Variants in IGSF3 observed in about 807,000 individuals in gnomAD.
The protein encoded by IGSF3 is glu-Trp-Ile EWI motif-containing protein 3.
IGSF3 carries 23 observed loss-of-function variants against 114.4 expected under a neutral mutation model. That is an observed-to-expected ratio of 0.20 (90% CI 0.14 to 0.28). IGSF3 has a LOEUF of 0.28. Ranked by LOEUF, IGSF3 falls within the 10% of genes least tolerant of loss-of-function variation. IGSF3 has a pLI of 1.00. For synonymous variants in IGSF3, 571 were observed against 645.2 expected, an observed-to-expected ratio of 0.88 and a Z score of 1.74; for missense variants, 1,172 against 1,591.5, an observed-to-expected ratio of 0.74 and a Z score of 4.48.
In IGSF3 at chr1:116,655,854, T is replaced by C. The variant is rs1236484790; in HGVS notation, c.43+10430A>G. Among the ~76,000 whole-genome samples the C allele has an allele frequency of 2.6e-5, 4 of 152,240 alleles. No individual in the cohort carries two copies. The East Asian group carries it at 7.7e-4, about 29-fold the overall frequency. ...ACGTGCTTAATTTGATGAATTTATG[T>C]ATTTTTTGAAGAAAATATGCAGAAT... On this transcript the variant is annotated intron_variant, in intron 2 of 10. Coordinates refer to ENST00000369486, the MANE Select transcript of IGSF3 (RefSeq NM_001007237.3). The surrounding 1 kb of genome is among the most constrained non-coding windows in gnomAD (Gnocchi z 4.3).
Position 116,603,601 on chromosome 1 carries a change from T to TG in IGSF3, c.1624+22dup, listed in dbSNP as rs1388960919. 1 of 1,604,968 alleles carries TG rather than the reference T, an allele frequency of 6.2e-7. No homozygotes were observed. Among genetic ancestry groups the TG allele is most frequent in the African/African-American group, 1.3e-5 (1 of 74,854 alleles). ...GAAGCTGTCTCCATGCCAGACCCAC[T>TG]GCCAGTCCCACCGCTCACTCACCAA... On this transcript the variant is annotated intron_variant, in intron 6 of 10. Coordinates refer to ENST00000369486, the MANE Select transcript of IGSF3 (RefSeq NM_001007237.3). The surrounding 1 kb of genome is among the most constrained non-coding windows in gnomAD (Gnocchi z 7.1).
chr1:116,580,640 T>A (rs1164761504), intron 9 of IGSF3, among the ~76,000 whole-genome samples: 1 of 152,240 alleles, frequency 6.6e-6, no homozygotes, highest in Non-Finnish European at 1.5e-5. Flanking sequence ...TACCAGAACT[T>A]AGCCATGCTG....
Position 116,633,761 on chromosome 1 carries a change from C to T in IGSF3, c.44-17304G>A, listed in dbSNP as rs1182472281. On this transcript the variant is annotated intron_variant, in intron 2 of 10. Transcript: ENST00000369486. The surrounding 1 kb of genome is among the most constrained non-coding windows in gnomAD (Gnocchi z 4.3). Reference sequence around the variant, plus strand: ...TCATGATCTTAGGGGTGAAAGAACACTGAGAAACCATAGAAAGCAAAAATG... The same window carrying T: ...TCATGATCTTAGGGGTGAAAGAACATTGAGAAACCATAGAAAGCAAAAATG... Among the ~76,000 whole-genome samples, 1 of 152,160 alleles carries T rather than the reference C, an allele frequency of 6.6e-6. No homozygotes were observed. Among genetic ancestry groups the T allele is most frequent in the Non-Finnish European group, 1.5e-5 (1 of 68,038 alleles).
In IGSF3 at chr1:116,655,548, GA is replaced by G. The variant is rs1054382440; in HGVS notation, c.43+10735del. On this transcript the variant is annotated intron_variant, in intron 2 of 10. Coordinates refer to ENST00000369486, the MANE Select transcript of IGSF3 (RefSeq NM_001007237.3). The surrounding 1 kb of genome is among the most constrained non-coding windows in gnomAD (Gnocchi z 4.3). The stretch of plus-strand genomic sequence containing the variant: ...CAATAACTGTTGCTGCAGGGGTTGA[GA>G]AAAAAAAGTTCTCTTCCTTTGGGTT... 2.0e-5 allele frequency among the ~76,000 whole-genome samples: 3 copies of G among 151,958 alleles called. No homozygotes were observed. The highest frequency in any genetic ancestry group is 6.6e-5 in the Admixed American group (1 of 15,262).
At position 116,642,112 on chromosome 1, in the gene IGSF3, T is replaced by C. The variant is rs1648132634; in HGVS notation, c.43+24172A>G. Among the ~76,000 whole-genome samples, 1 of 152,146 alleles carries C rather than the reference T, an allele frequency of 6.6e-6. No individual in the cohort carries two copies. Among genetic ancestry groups the C allele is most frequent in the Non-Finnish European group, 1.5e-5 (1 of 68,022 alleles). On this transcript the variant is annotated intron_variant, in intron 2 of 10. Transcript: ENST00000369486. The surrounding 1 kb of genome is among the most constrained non-coding windows in gnomAD (Gnocchi z 5.4). ...AGTACTACTGATATTATTATCACCA[T>C]TAAAAATCACTGAAGTTTTTGTCAC...
chr1:116,609,150 A>T (rs1402533054), intron 4 of IGSF3, among the ~76,000 whole-genome samples: 2 of 152,004 alleles, frequency 1.3e-5, no homozygotes, highest in African/African-American at 4.8e-5. Context: ...GTACTTTAGT[A>T]GGAAAAGTAC....
At chr1:116,653,423 T>C (rs1267083177) in intron 2 of IGSF3, among the ~76,000 whole-genome samples, 1 of 152,046 alleles carries the variant, frequency 6.6e-6, no homozygotes, top group African/African-American at 2.4e-5. Flanking sequence ...GTTACTTACT[T>C]CCCCCCAAAT....
At position 116,603,318 on chromosome 1, in the gene IGSF3, G is replaced by A. The variant is rs1179485828; in HGVS notation, c.1624+306C>T. On this transcript the variant is annotated intron_variant, in intron 6 of 10. Coordinates refer to ENST00000369486, the MANE Select transcript of IGSF3 (RefSeq NM_001007237.3). The surrounding 1 kb of genome is among the most constrained non-coding windows in gnomAD (Gnocchi z 7.1). The stretch of plus-strand genomic sequence containing the variant: ...TATGGCTGGGTGGCTTCACTAACCT[G>A]GATAGAGTTCTGATAACATCACTCT... Among the ~76,000 whole-genome samples the A allele has an allele frequency of 6.6e-6, 1 of 152,104 alleles. No individual in the cohort carries two copies. Among genetic ancestry groups the A allele is most frequent in the Non-Finnish European group, 1.5e-5 (1 of 67,996 alleles).
rs918215923 is a variant in IGSF3, at chr1:116,615,221, C to G, written c.421+859G>C. ...CCCGGGAGGTGGAGGTTGCAGTGAGCCAAGATCGCACCATTGCACTCCAGC... is the reference window on the plus strand; with the variant it reads ...CCCGGGAGGTGGAGGTTGCAGTGAGGCAAGATCGCACCATTGCACTCCAGC... On this transcript the variant is annotated intron_variant, in intron 3 of 10. Coordinates refer to ENST00000369486, the MANE Select transcript of IGSF3 (RefSeq NM_001007237.3). This position sits in a 1 kb window ranked among gnomAD's most constrained non-coding sequence, Gnocchi z 4.3. 1.3e-5 allele frequency among the ~76,000 whole-genome samples: 2 copies of G among 151,720 alleles called. No homozygotes were observed. The highest frequency in any genetic ancestry group is 4.8e-5 in the African/African-American group (2 of 41,272).
rs1259004033 is a variant in IGSF3, at chr1:116,592,482, T to C, written c.2030-3378A>G. Among the ~76,000 whole-genome samples, 2 of 152,142 alleles carry C rather than the reference T, an allele frequency of 1.3e-5. No individual in the cohort carries two copies. The highest frequency in any genetic ancestry group is 2.9e-5 in the Non-Finnish European group (2 of 68,016). The stretch of plus-strand genomic sequence containing the variant: ...AACTGGAGAGTTTCCTTCCCAGGCT[T>C]GTGATTAAAACTTGGAAGATCTGTG... On this transcript the variant is annotated intron_variant, in intron 7 of 10. Coordinates refer to ENST00000369486, the MANE Select transcript of IGSF3 (RefSeq NM_001007237.3). The surrounding 1 kb of genome is among the most constrained non-coding windows in gnomAD (Gnocchi z 4.5).
In IGSF3 at chr1:116,589,461, T is replaced by C. The variant is rs1373438392; in HGVS notation, c.2030-357A>G. 6.6e-6 allele frequency among the ~76,000 whole-genome samples: 1 copy of C among 151,956 alleles called. No individual in the cohort carries two copies. Among genetic ancestry groups the C allele is most frequent in the East Asian group, 1.9e-4 (1 of 5,166 alleles). ...CTACCTACGGGCCAGAGAGAAACAA[T>C]TCCTTTTCACAGCACAAAGTCCCTT... is the stretch of plus-strand genomic sequence containing the variant. On this transcript the variant is annotated intron_variant, in intron 7 of 10. Coordinates refer to ENST00000369486, the MANE Select transcript of IGSF3 (RefSeq NM_001007237.3). This position sits in a 1 kb window ranked among gnomAD's most constrained non-coding sequence, Gnocchi z 5.7.
chr1:116,666,547 G>C lies in IGSF3; in HGVS notation c.-221C>G, dbSNP rs926376964. 1 of 605,244 alleles carries C rather than the reference G, an allele frequency of 1.7e-6. No individual in the cohort carries two copies. Among genetic ancestry groups the C allele is most frequent in the African/African-American group, 1.9e-5 (1 of 53,920 alleles). The allele number at this position is 605,244 out of a possible 1,614,324, so 37.5% of individuals were successfully genotyped here. A position where few individuals can be genotyped will look rare whatever the true frequency, so the allele number is the denominator to read the frequency against. ...GAAAACTCCCCTATGCTACAGGAAG[G>C]GTCCACAACAATTCGGAAGTCGCTC... On this transcript the variant is annotated 5_prime_UTR_variant, in exon 2 of 11. Transcript: ENST00000369486.
rs564181460 is a variant in IGSF3, at chr1:116,595,069, G to A, written c.2029+4872C>T. On this transcript the variant is annotated intron_variant, in intron 7 of 10. Transcript: ENST00000369486. This position sits in a 1 kb window ranked among gnomAD's most constrained non-coding sequence, Gnocchi z 4.2. The stretch of plus-strand genomic sequence containing the variant: ...CACCAGCATGGCAACCTGGCACTTA[G>A]TAGGTGCTCAATGCATGCAGAGAGA... Among the ~76,000 whole-genome samples, 4 of 152,274 alleles carry A rather than the reference G, an allele frequency of 2.6e-5. No individual in the cohort carries two copies. The highest frequency in any genetic ancestry group is 2.6e-4 in the Admixed American group (4 of 15,294).
chr1:116,609,073 A>G (rs546881239), intron 4 of IGSF3, among the ~76,000 whole-genome samples: 23 of 151,908 alleles, frequency 1.5e-4, no homozygotes, highest in Non-Finnish European at 1.2e-4. Flanking sequence ...GTGGGAAAGT[A>G]CCTACTAAGT....
rs1326042755 is a variant in IGSF3 at position 116,579,341 on chromosome 1, A to G, written c.3334+51T>C. Reference sequence around the variant, plus strand: ...AATCAAGCTCAAATTTATCTTCCAGACACAGTTGGAACCAACAGTGACATC... The same window carrying G: ...AATCAAGCTCAAATTTATCTTCCAGGCACAGTTGGAACCAACAGTGACATC... On this transcript the variant is annotated intron_variant, in intron 10 of 10. Coordinates refer to ENST00000369486, the MANE Select transcript of IGSF3 (RefSeq NM_001007237.3). The surrounding 1 kb of genome is among the most constrained non-coding windows in gnomAD (Gnocchi z 6.4). 2 of 1,513,018 alleles carry G rather than the reference A, an allele frequency of 1.3e-6. No individual in the cohort carries two copies. The highest frequency in any genetic ancestry group is 2.3e-5 in the East Asian group (1 of 43,888). 93.7% of individuals were successfully genotyped at this position (1,513,018 alleles called of 1,614,324 possible).
At position 116,579,547 on chromosome 1, in the gene IGSF3, G is replaced by A. The variant is rs775672439; in HGVS notation, c.3179C>T (p.Pro1060Leu). 2.1e-5 allele frequency: 34 copies of A among 1,613,982 alleles called. No homozygotes were observed. Among genetic ancestry groups the A allele is most frequent in the South Asian group, 8.8e-5 (8 of 91,082 alleles). Residue 1060 changes from proline (P) to leucine (L), a missense_variant, in exon 10 of 11, where the codon CCG (proline) becomes CTG (leucine). Physicochemically the swap from Pro to Leu is moderately conservative, Grantham distance 98. Around this residue, in one of 3 missense-constraint regions of IGSF3, gnomAD observed 423 missense variants for 509.8 expected, o/e 0.83. Coordinates refer to ENST00000369486, the MANE Select transcript of IGSF3 (RefSeq NM_001007237.3). The surrounding 1 kb of genome is among the most constrained non-coding windows in gnomAD (Gnocchi z 6.4). ...CAGCACTGTGAGCCGGTAGAGCACC[G>A]GGGAGAGCCTCTGGAAGCGAAGCCT... Reference protein sequence around the residue: ...EGRLRFQRLSPVLYRLTVLQA... With the variant: ...EGRLRFQRLSLVLYRLTVLQA...
Position 116,608,184 on chromosome 1 carries a change from G to A in IGSF3, c.980C>T (p.Thr327Ile), listed in dbSNP as rs774107234. The change falls in exon 5 of 11, where the codon ACC (threonine) becomes ATC (isoleucine). Residue 327 changes from threonine (T) to isoleucine (I), a missense_variant. Thr to Ile is a moderately conservative substitution (Grantham distance 89, BLOSUM62 -1). Around this residue, in one of 3 missense-constraint regions of IGSF3, gnomAD observed 736 missense variants for 1,042.0 expected, o/e 0.71. Transcript: ENST00000369486. The part of the protein sequence containing the change: ...SWAFNSSLIA[T>I]MGPNAVPVLN... ...GACAGGCACAGCGTTAGGACCCATG[G>A]TGGCGATGAGCGAGCTGTTGAAGGC... 2 of 1,612,262 alleles carry A rather than the reference G, an allele frequency of 1.2e-6. No individual in the cohort carries two copies. Among genetic ancestry groups the A allele is most frequent in the South Asian group, 2.2e-5 (2 of 91,026 alleles).
rs935710308 is a variant in IGSF3, at chr1:116,585,110, C to A, written c.2441-58G>T. 8.0e-5 allele frequency: 110 copies of A among 1,375,164 alleles called. 1 individual carries two copies. Among genetic ancestry groups the A allele is most frequent in the Non-Finnish European group, 1.0e-4 (102 of 1,020,182 alleles). 85.2% of individuals were successfully genotyped at this position (1,375,164 alleles called of 1,614,324 possible). A position where few individuals can be genotyped will look rare whatever the true frequency, so the allele number is the denominator to read the frequency against. ...AAGGACAACAAGCAATTCGTACGCA[C>A]CCTTTCCCAGGGTAGGTGAATGGAT... On this transcript the variant is annotated intron_variant, in intron 8 of 10. Transcript: ENST00000369486. This position sits in a 1 kb window ranked among gnomAD's most constrained non-coding sequence, Gnocchi z 4.9.
rs1178953284 is a variant in IGSF3, at chr1:116,657,840, G to C, written c.43+8444C>G. 6.6e-6 allele frequency among the ~76,000 whole-genome samples: 1 copy of C among 152,078 alleles called. No homozygotes were observed. The highest frequency in any genetic ancestry group is 1.5e-5 in the Non-Finnish European group (1 of 68,016). Reference sequence around the variant, plus strand: ...AAACAGAATTAAATACACAAAAATAGCACCAACTTAAGGCAAGCCTGGGCA... The same window carrying C: ...AAACAGAATTAAATACACAAAAATACCACCAACTTAAGGCAAGCCTGGGCA... On this transcript the variant is annotated intron_variant, in intron 2 of 10. Transcript: ENST00000369486. This position sits in a 1 kb window ranked among gnomAD's most constrained non-coding sequence, Gnocchi z 4.2.
Sources: gnomAD v4.1 joint callset for allele counts (sites outside exome capture counted in the v4.1 genomes callset) on GRCh38, gnomAD v4.1.1 for gene constraint, gnomAD v4.1.1 regional missense constraint, Gnocchi (gnomAD v3.1) non-coding constraint, MANE v1.5 for transcripts, NCBI Gene and HGNC (gene_info 2026-07-23, HGNC 2026-07-21) for gene names.